Variants in TPTE2 observed in about 807,000 individuals in gnomAD.
TPTE2 encodes transmembrane phosphoinositide 3-phosphatase and tensin homolog 2.
TPTE2 carries 53 observed loss-of-function variants against 78.6 expected under a neutral mutation model. The ratio of observed to expected loss-of-function variants is 0.67; its 90% CI spans 0.54 to 0.85. The LOEUF (loss-of-function observed/expected upper bound fraction) is 0.85, where lower values mean the gene tolerates loss of function less well. Ranked by LOEUF, TPTE2 falls within the 40% of genes least tolerant of loss-of-function variation. TPTE2 has a pLI of 0.00. For synonymous variants in TPTE2, 175 were observed against 206.2 expected, an observed-to-expected ratio of 0.85 and a Z score of 1.30; for missense variants, 461 against 623.0, an observed-to-expected ratio of 0.74 and a Z score of 2.77.
chr13:19,516,979 T>C (rs1460672697), intron 1 of TPTE2, among the ~76,000 whole-genome samples: 1 of 151,874 alleles, frequency 6.6e-6, no homozygotes, highest in Non-Finnish European at 1.5e-5. Flanking sequence ...GCAGTAGGAG[T>C]AGAAATATCA....
intron 17 of TPTE2, among the ~76,000 whole-genome samples, chr13:19,426,758 G>T (rs915549858): frequency 1.3e-5 from 2 of 151,974 alleles, no homozygotes; most frequent in African/African-American, 4.8e-5. Flanking sequence ...AGGCTGGAGT[G>T]CAGTGGCGTG....
intron 1 of TPTE2, among the ~76,000 whole-genome samples, chr13:19,521,287 T>A (rs1166602720): frequency 6.6e-6 from 1 of 152,044 alleles, no homozygotes; most frequent in East Asian, 1.9e-4. Context: ...ATGTTTTTGA[T>A]GGATTGATCC....
At chr13:19,459,223 G>C (rs1378803619) in intron 10 of TPTE2, among the ~76,000 whole-genome samples, 3 of 151,906 alleles carry the variant, frequency 2.0e-5, no homozygotes, top group Admixed American at 2.0e-4. Context: ...TGTCTCTTTT[G>C]GGAAGTGTCT....
chr13:19,435,633 T>C (rs903788923), intron 15 of TPTE2, among the ~76,000 whole-genome samples: 1 of 152,204 alleles, frequency 6.6e-6, no homozygotes, highest in African/African-American at 2.4e-5. Flanking sequence ...ATAGGTGTTA[T>C]GGGTATTAAA....
the TPTE2 span, among the ~76,000 whole-genome samples, chr13:19,542,700 T>C: frequency 6.6e-6 from 1 of 152,106 alleles, no homozygotes; most frequent in African/African-American, 2.4e-5. Context: ...CAAATAAGCA[T>C]ATATTTCATG....
intron 13 of TPTE2, among the ~76,000 whole-genome samples, chr13:19,442,938 C>G (rs1877587642): frequency 1.3e-5 from 2 of 152,056 alleles, no homozygotes; most frequent in Non-Finnish European, 2.9e-5. Context: ...GCCAATGTGC[C>G]TTCACTGGTG....
intron 10 of TPTE2, among the ~76,000 whole-genome samples, chr13:19,452,718 A>G (rs1412469493): frequency 1.3e-5 from 2 of 152,208 alleles, no homozygotes; most frequent in African/African-American, 4.8e-5. Flanking sequence ...TGTGGATACA[A>G]GAATACAATT....
intron 1 of TPTE2, among the ~76,000 whole-genome samples, chr13:19,498,084 A>G (rs1881503974): frequency 6.6e-6 from 1 of 151,602 alleles, no homozygotes; most frequent in Non-Finnish European, 1.5e-5. Context: ...ATGAAGCGAG[A>G]AGGGAAGTTT....
At chr13:19,555,938 G>A in the TPTE2 span, among the ~76,000 whole-genome samples, 3 of 146,514 alleles carry the variant, frequency 2.0e-5, no homozygotes, top group South Asian at 2.2e-4. Context: ...TCAGCCTCCC[G>A]AGTAGCTGGG....
intron 17 of TPTE2, among the ~76,000 whole-genome samples, chr13:19,427,211 A>C (rs1876191743): frequency 6.7e-6 from 1 of 149,022 alleles, no homozygotes; most frequent in African/African-American, 2.5e-5. Context: ...CAGCCTCCCA[A>C]GTAGCTGGGA....
the TPTE2 span, among the ~76,000 whole-genome samples, chr13:19,547,720 C>CATACATACATATATATATAT: frequency 3.4e-5 from 4 of 118,848 alleles, no homozygotes; most frequent in African/African-American, 5.5e-5. Flanking sequence ...AATAAATATA[C>CATACATACATATATATATAT]ATATATATAT....
intron 1 of TPTE2, among the ~76,000 whole-genome samples, chr13:19,533,319 G>A (rs911937935): frequency 6.6e-6 from 1 of 152,132 alleles, no homozygotes; most frequent in African/African-American, 2.4e-5. Flanking sequence ...CCATTTCAAT[G>A]TTTGATCAAT....
Position 19,446,157 on chromosome 13 carries a change from T to C in TPTE2, c.973+3919A>G, listed in dbSNP as rs188857407. 4.7e-3 allele frequency among the ~76,000 whole-genome samples: 710 copies of C among 152,360 alleles called. 4 individuals are homozygous for C. The highest frequency in any genetic ancestry group is 0.015 in the African/African-American group (615 of 41,584). On this transcript the variant is annotated intron_variant, in intron 13 of 19. Coordinates refer to ENST00000400230, the Ensembl canonical transcript of TPTE2. ...CAATATCTCAAAGTTGTCAGTTCTC[T>C]CAAGTTAATCTGTAAATTCAATGTA... is the stretch of plus-strand genomic sequence containing the variant.
chr13:19,488,864 T>C (rs1396097543), intron 3 of TPTE2, among the ~76,000 whole-genome samples: 3 of 152,236 alleles, frequency 2.0e-5, no homozygotes, highest in Non-Finnish European at 4.4e-5. Context: ...GTTTTTGTTT[T>C]ACATTCACAA....
intron 10 of TPTE2, among the ~76,000 whole-genome samples, chr13:19,455,919 C>A (rs1437350971): frequency 6.6e-6 from 1 of 152,036 alleles, no homozygotes; most frequent in East Asian, 1.9e-4. Flanking sequence ...CTACAAAAGC[C>A]TATAGCAAAC....
chr13:19,483,260 T>C (rs1487585739), intron 3 of TPTE2, among the ~76,000 whole-genome samples: 1 of 152,216 alleles, frequency 6.6e-6, no homozygotes, highest in Non-Finnish European at 1.5e-5. Flanking sequence ...CTTTCACAAG[T>C]GAGGATTAAG....
At chr13:19,547,914 T>C in the TPTE2 span, among the ~76,000 whole-genome samples, 119,680 of 151,098 alleles carry the variant, frequency 0.79, 48,786 homozygotes, top group East Asian at 0.96. Flanking sequence ...TATTCTTTTA[T>C]ATCATTTGAC....
At chr13:19,536,368 T>C (rs1871212315) in intron 1 of TPTE2, among the ~76,000 whole-genome samples, 1 of 152,112 alleles carries the variant, frequency 6.6e-6, no homozygotes, top group Non-Finnish European at 1.5e-5. Context: ...GAGTATAACA[T>C]GAAAGCATGA....
At chr13:19,430,289 A>G (rs1876463821) in intron 17 of TPTE2, among the ~76,000 whole-genome samples, 179 bp downstream of exon 20, 1 of 152,246 alleles carries the variant, frequency 6.6e-6, no homozygotes, top group African/African-American at 2.4e-5. Context: ...TTTTGAACAA[A>G]CAGGTTAATT....
Sources: gnomAD v4.1 joint callset for allele counts (sites outside exome capture counted in the v4.1 genomes callset) on GRCh38, gnomAD v4.1.1 for gene constraint, MANE v1.5 for transcripts, NCBI Gene and HGNC (gene_info 2026-07-23, HGNC 2026-07-21) for gene names.